Variants in POLR3A observed in about 807,000 individuals in gnomAD.
POLR3A encodes RNA polymerase III subunit A, also known as DNA-directed RNA polymerase III subunit RPC1.
Under a neutral mutation model 152.8 loss-of-function variants are expected in POLR3A, and 112 were observed. The observed-to-expected ratio is 0.73, with a 90% CI of 0.63 to 0.86. The LOEUF (loss-of-function observed/expected upper bound fraction) is 0.86, where lower values mean the gene tolerates loss of function less well. Among genes scored for constraint, POLR3A ranks in the 40% least tolerant of loss-of-function variants. The pLI is 0.00. For missense variants in POLR3A, 1,385 were observed against 1,743.1 expected (o/e 0.79, Z 3.66); for synonymous variants, 615 against 652.1 (o/e 0.94, Z 0.87).
At position 78,024,553 on chromosome 10, in the gene POLR3A, G is replaced by A. The variant is rs1589319208; in HGVS notation, c.641C>T (p.Ala214Val). ...NKEVEPLLGR[A>V]QENLNPLVVL... ...GGCGTGCATTCTCAGGCTCACCTGT[G>A]CCCTTCCCAGCAGAGGCTCCACTTC... The change falls in exon 5 of 31, where the codon GCA becomes GTA. Residue 214 changes from alanine (A) to valine (V), a missense_variant. By Grantham distance (64) the Ala-to-Val change is moderately conservative. This residue lies in a region of POLR3A where 493 missense variants were observed against 647.5 expected (regional missense o/e 0.76). Transcript: ENST00000372371. 2.5e-6 allele frequency: 4 copies of A among 1,613,244 alleles called. No individual in the cohort carries two copies. The highest frequency in any genetic ancestry group is 2.5e-6 in the Non-Finnish European group (3 of 1,179,950).
rs758840281 is a variant in POLR3A at position 78,001,040 on chromosome 10, C to T, written c.2414G>A (p.Ser805Asn). ...AAAGCCGTCTGGCACTCGAGAGCCA[C>T]TGATGGCCTGCTGTCCCACACAGGC... The part of the protein sequence containing the change: ...MIACVGQQAI[S>N]GSRVPDGFEN... The change falls in exon 18 of 31, where the codon AGT (serine) becomes AAT (asparagine). Residue 805 changes from serine to asparagine, a missense_variant. Coordinates refer to ENST00000372371, the MANE Select transcript of POLR3A (RefSeq NM_007055.4). 1 of 1,612,626 alleles carries T rather than the reference C, an allele frequency of 6.2e-7. No homozygotes were observed. The highest frequency in any genetic ancestry group is 8.5e-7 in the Non-Finnish European group (1 of 1,178,798).
intron 15 of POLR3A, 107 bp from the exon 16 acceptor site, chr10:78,004,995 G>A: frequency 2.4e-6 from 2 of 837,768 alleles, no homozygotes; most frequent in Non-Finnish European, 4.1e-6. Context: ...TATAAACTAT[G>A]TATGTATAGT....
intron 18 of POLR3A, among the ~76,000 whole-genome samples, 197 bp downstream of exon 18, chr10:78,000,779 C>T (rs1847349242): frequency 6.6e-6 from 1 of 152,224 alleles, no homozygotes; most frequent in African/African-American, 2.4e-5. Context: ...TTGCCTTGGC[C>T]TCCCAAAGTG....
chr10:78,011,839 C>T (rs1272258496), intron 11 of POLR3A, among the ~76,000 whole-genome samples: 1 of 152,122 alleles, frequency 6.6e-6, no homozygotes, highest in African/African-American at 2.4e-5. Flanking sequence ...GGAAACTTGT[C>T]CACATGGTAA....
chr10:78,019,432 C>T (rs1335162326), intron 8 of POLR3A, 167 bp from the exon 9 acceptor site: 1 of 625,848 alleles, frequency 1.6e-6, no homozygotes, highest in Non-Finnish European at 2.9e-6. Context: ...GAACAACAGA[C>T]TGGCAAACAA....
Position 77,991,068 on chromosome 10 carries a change from C to G in POLR3A, c.2887G>C (p.Asp963His). The G allele has an allele frequency of 6.2e-7, 1 of 1,605,756 alleles. No homozygotes were observed. The highest frequency in any genetic ancestry group is 8.5e-7 in the Non-Finnish European group (1 of 1,172,440). ...GCAGAGCTCACCTGCAGGAAGCTGT[C>G]CTGGCAGCAGAGGAACTCACTCTTC... ...MKKSEFLCCQ[D>H]SFLQEIKKFI... Residue 963 changes from aspartate to histidine, a missense_variant, in exon 21 of 31, where the codon GAC becomes CAC. Physicochemically the swap from Asp to His is moderately conservative, Grantham distance 81. This residue lies in a region of POLR3A where 178 missense variants were observed against 204.6 expected (regional missense o/e 0.87). Transcript: ENST00000372371.
At chr10:77,982,938 T>C (rs1244401242) in intron 26 of POLR3A, 121 bp from the exon 27 acceptor site, 1 of 770,814 alleles carries the variant, frequency 1.3e-6, no homozygotes, top group Non-Finnish European at 2.3e-6. Flanking sequence ...ACCCGCACCA[T>C]GAAATTAATA....
chr10:77,994,869 C>T (rs1464942251), intron 19 of POLR3A, among the ~76,000 whole-genome samples: 1 of 152,022 alleles, frequency 6.6e-6, no homozygotes, highest in East Asian at 1.9e-4. Context: ...TCAGATTCAC[C>T]AAAGTTGAAA....
intron 13 of POLR3A, 24 bp downstream of exon 13, chr10:78,009,840 C>A (rs754643255): frequency 6.2e-7 from 1 of 1,613,578 alleles, no homozygotes; most frequent in South Asian, 1.1e-5. Flanking sequence ...CACCTGTGCA[C>A]CAACACACAA....
At chr10:77,988,922 AG>A (rs1223895294) in intron 21 of POLR3A, among the ~76,000 whole-genome samples, 1 of 152,162 alleles carries the variant, frequency 6.6e-6, no homozygotes, top group Non-Finnish European at 1.5e-5. Context: ...TAGACCCAGA[AG>A]GTTTTCATCT....
chr10:77,979,009 C>G (rs1554837319), intron 30 of POLR3A, among the ~76,000 whole-genome samples: 1 of 151,066 alleles, frequency 6.6e-6, no homozygotes, highest in Non-Finnish European at 1.5e-5. Context: ...CACGAGTTCT[C>G]ATTATGTTGC....
Position 78,006,233 on chromosome 10 carries a change from C to A in POLR3A, c.2075-1345G>T, listed in dbSNP as rs1443192758. Among the ~76,000 whole-genome samples, 3 of 151,618 alleles carry A rather than the reference C, an allele frequency of 2.0e-5. No homozygotes were observed. In the East Asian group the frequency reaches 5.8e-4, roughly 29 times the overall value. ...CCAACATGGTGAAACCCCGTCTCTA[C>A]TAAAAACACAAAAATTAGCCGGGCA... On this transcript the variant is annotated intron_variant, in intron 15 of 30. Coordinates refer to ENST00000372371, the MANE Select transcript of POLR3A (RefSeq NM_007055.4).
chr10:78,011,425 A>C (rs1564620605), intron 11 of POLR3A, among the ~76,000 whole-genome samples: 1 of 152,170 alleles, frequency 6.6e-6, no homozygotes, highest in East Asian at 1.9e-4. Flanking sequence ...ATGAGAGTAC[A>C]TTTGCTCTAA....
At chr10:77,996,390 A>C (rs1847300841) in intron 19 of POLR3A, among the ~76,000 whole-genome samples, 1 of 152,210 alleles carries the variant, frequency 6.6e-6, no homozygotes, top group Non-Finnish European at 1.5e-5. Flanking sequence ...TTTTGAAAAG[A>C]TCAACAAAAT....
At position 78,001,048 on chromosome 10, in the gene POLR3A, C is replaced by A; in HGVS notation, c.2406G>T (p.Gln802His). 1 of 1,612,240 alleles carries A rather than the reference C, an allele frequency of 6.2e-7. No homozygotes were observed. The highest frequency in any genetic ancestry group is 1.1e-5 in the South Asian group (1 of 91,030). ...CTGGCACTCGAGAGCCACTGATGGCCTGCTGTCCCACACAGGCAATCATCT... is the reference window on the plus strand; with the variant it reads ...CTGGCACTCGAGAGCCACTGATGGCATGCTGTCCCACACAGGCAATCATCT... ...ISQMIACVGQ[Q>H]AISGSRVPDG... The change falls in exon 18 of 31, where the codon CAG becomes CAT. Residue 802 changes from glutamine to histidine, a missense_variant. Coordinates refer to ENST00000372371, the MANE Select transcript of POLR3A (RefSeq NM_007055.4).
Position 78,017,612 on chromosome 10 carries a change from T to A in POLR3A, c.1394A>T (p.Gln465Leu). The A allele has an allele frequency of 6.2e-7, 1 of 1,614,190 alleles. No homozygotes were observed. Among genetic ancestry groups the A allele is most frequent in the Non-Finnish European group, 8.5e-7 (1 of 1,180,012 alleles). The change falls in exon 10 of 31, where the codon CAG becomes CTG. Residue 465 changes from glutamine to leucine, a missense_variant. By Grantham distance (113) the Gln-to-Leu change is moderately radical. Around this residue, in one of 7 missense-constraint regions of POLR3A, gnomAD observed 493 missense variants for 647.5 expected, o/e 0.76. Coordinates refer to ENST00000372371, the MANE Select transcript of POLR3A (RefSeq NM_007055.4). ...AATGCTCAATTTGTGCAGCGAGGGC[T>A]GCCGATTGAACAGCACCACATCTCC... ...IDGDVVLFNR[Q>L]PSLHKLSIMA...
At chr10:77,992,930 A>G (rs1847263634) in intron 20 of POLR3A, among the ~76,000 whole-genome samples, 1 of 149,918 alleles carries the variant, frequency 6.7e-6, no homozygotes. Flanking sequence ...TGCCCAGGCT[A>G]GTCTTAAACT....
At position 77,976,858 on chromosome 10, in the gene POLR3A, C is replaced by A. The variant is rs184043149; in HGVS notation, c.*620G>T. On this transcript the variant is annotated 3_prime_UTR_variant, in exon 31 of 31. Transcript: ENST00000372371. The stretch of plus-strand genomic sequence containing the variant: ...TTGCACCTCAGTTACAAATCCCAGA[C>A]GGCTCTATTTGCTTAAACCAGTTTT... 6.5e-6 allele frequency: 1 copy of A among 153,884 alleles called. No homozygotes were observed. The highest frequency in any genetic ancestry group is 1.4e-5 in the Non-Finnish European group (1 of 69,294). The allele number at this position is 153,884 out of a possible 1,614,324, so 9.5% of individuals were successfully genotyped here. A position where few individuals can be genotyped will look rare whatever the true frequency, so the allele number is the denominator to read the frequency against.
intron 30 of POLR3A, among the ~76,000 whole-genome samples, chr10:77,979,619 C>T (rs78909384): frequency 0.043 from 6,516 of 152,288 alleles, 302 homozygotes; most frequent in East Asian, 0.23. Context: ...CGACAGCAAG[C>T]GAGGTCACCT....
Sources: gnomAD v4.1 joint callset for allele counts (sites outside exome capture counted in the v4.1 genomes callset) on GRCh38, gnomAD v4.1.1 for gene constraint, gnomAD v4.1.1 regional missense constraint, MANE v1.5 for transcripts, NCBI Gene and HGNC (gene_info 2026-07-23, HGNC 2026-07-21) for gene names.